PABIR2: variants seen among roughly 807,000 people sequenced by gnomAD.
The protein encoded by PABIR2 is family with sequence similarity 122B.
Under a neutral mutation model 22.8 loss-of-function variants are expected in PABIR2, and 7 were observed. The observed-to-expected ratio is 0.31, with a 90% CI of 0.17 to 0.58. The LOEUF (loss-of-function observed/expected upper bound fraction) is 0.58, where lower values mean the gene tolerates loss of function less well. Among genes scored for constraint, PABIR2 ranks in the 20% least tolerant of loss-of-function variants. PABIR2 has a pLI of 0.89. For synonymous variants in PABIR2, 67 were observed against 73.8 expected, an observed-to-expected ratio of 0.91 and a Z score of 0.47; for missense variants, 155 against 205.1, an observed-to-expected ratio of 0.76 and a Z score of 1.49.
intron 5 of PABIR2, 79 bp downstream of exon 5, chrX:134,789,006 G>A (rs1216028590): frequency 8.7e-7 from 1 of 1,143,394 alleles, no homozygotes; most frequent in Non-Finnish European, 1.2e-6. Context: ...AAAGAAGTGT[G>A]CGAAAAAATT....
At position 134,770,111 on chromosome X, in the gene PABIR2, T is replaced by C. The variant is rs928333382; in HGVS notation, c.*2028A>G. ...TCAGTTATTTCTTAACAGTGTTAAG[T>C]TCGAGCCTAAAAATGATGGCCAAGT... On this transcript the variant is annotated 3_prime_UTR_variant, in exon 10 of 10. Transcript: ENST00000343004. The C allele has an allele frequency of 8.9e-6, 1 of 112,212 alleles. No homozygotes were observed. Among genetic ancestry groups the C allele is most frequent in the Admixed American group, 9.6e-5 (1 of 10,469 alleles). The allele number at this position is 112,212 out of a possible 1,213,427, so 9.2% of individuals were successfully genotyped here.
In PABIR2 at chrX:134,788,419, T is replaced by C. The variant is rs187460687; in HGVS notation, c.435+311A>G. On this transcript the variant is annotated intron_variant, in intron 6 of 9. Coordinates refer to ENST00000343004, the MANE Select transcript of PABIR2 (RefSeq NM_001387468.1). ...ATATGTGTAATATATACACGTTATA[T>C]ATGTGTAATATATACACGTTATATA... Among the ~76,000 whole-genome samples, 657 of 98,602 alleles carry C rather than the reference T, an allele frequency of 6.7e-3. 11 individuals carry two copies. The highest frequency in any genetic ancestry group is 0.023 in the African/African-American group (612 of 26,242). The allele number at this position is 98,602 out of a possible 115,157, so 85.6% of individuals were successfully genotyped here. A position where few individuals can be genotyped will look rare whatever the true frequency, so the allele number is the denominator to read the frequency against.
At position 134,772,639 on chromosome X, in the gene PABIR2, G is replaced by A. The variant is rs1267630668; in HGVS notation, c.660-356C>T. On this transcript the variant is annotated intron_variant, in intron 9 of 9. Transcript: ENST00000343004. ...TACCTTCCCATCAGGCTTGGAGCAA[G>A]AGGAATGGTTACTTATTGAGGTAAC... 1.4e-4 allele frequency among the ~76,000 whole-genome samples: 16 copies of A among 111,060 alleles called. 1 individual carries two copies. In the Admixed American group the frequency reaches 1.5e-3, roughly 11 times the overall value.
At position 134,771,508 on chromosome X, in the gene PABIR2, C is replaced by CT; in HGVS notation, c.*630dup. 9.8e-7 allele frequency: 1 copy of CT among 1,024,152 alleles called. No individual in the cohort carries two copies. Among genetic ancestry groups the CT allele is most frequent in the Non-Finnish European group, 1.2e-6 (1 of 808,679 alleles). 84.4% of individuals were successfully genotyped at this position (1,024,152 alleles called of 1,213,427 possible). ...TTCTCAGCACTAAAATCAATGCTCA[C>CT]TTCACACACCCCAACAGCAAAGAAG... On this transcript the variant is annotated 3_prime_UTR_variant, in exon 10 of 10. Coordinates refer to ENST00000343004, the MANE Select transcript of PABIR2 (RefSeq NM_001387468.1).
intron 9 of PABIR2, among the ~76,000 whole-genome samples, chrX:134,779,404 C>T (rs1449173112): frequency 1.8e-5 from 2 of 110,927 alleles, no homozygotes; most frequent in African/African-American, 6.6e-5. Flanking sequence ...CCAGCCTGGG[C>T]GACAGAGCGA....
chrX:134,788,916 A>C, intron 5 of PABIR2, 85 bp from the exon 6 acceptor site: 1 of 1,015,605 alleles, frequency 9.8e-7, no homozygotes, highest in Non-Finnish European at 1.4e-6. Flanking sequence ...CAGATTTTCC[A>C]AGGAGAAAGG....
chrX:134,775,252 T>C (rs188929621), intron 9 of PABIR2, among the ~76,000 whole-genome samples: 2 of 111,502 alleles, frequency 1.8e-5, no homozygotes, highest in Admixed American at 9.6e-5. Flanking sequence ...ATGACTTGGC[T>C]GGGCGCGGTG....
At position 134,788,198 on chromosome X, in the gene PABIR2, TTA is replaced by T. The variant is rs747852154; in HGVS notation, c.435+530_435+531del. Among the ~76,000 whole-genome samples the T allele has an allele frequency of 3.4e-3, 247 of 71,725 alleles. 5 individuals carry two copies. Among genetic ancestry groups the T allele is most frequent in the African/African-American group, 0.011 (185 of 16,668 alleles). The allele number at this position is 71,725 out of a possible 115,157, so 62.3% of individuals were successfully genotyped here. ...GTTATATATGTGTAATATATACACG[TTA>T]TATATGTGTAATATATACACGTTAT... On this transcript the variant is annotated intron_variant, in intron 6 of 9. Transcript: ENST00000343004.
At chrX:134,782,304 G>A (rs1483671662) in intron 8 of PABIR2, among the ~76,000 whole-genome samples, 2 of 112,146 alleles carry the variant, frequency 1.8e-5, no homozygotes, top group Non-Finnish European at 3.8e-5. Context: ...TATATATTTT[G>A]ATACCTGAAC....
rs748223906 is a variant in PABIR2, at chrX:134,781,847, G to C, written c.633C>G (p.Ala211=). The stretch of plus-strand genomic sequence containing the variant: ...ATGAACTGAGATCAGACAGTTGCGC[G>C]GCATCTGGAGATAACATATTGGTAG... ...QGTTNMLSPD[A]AQLSDLSSCS... Residue 211 remains alanine (A), a synonymous_variant, in exon 9 of 10, where the codon GCC becomes GCG. Transcript: ENST00000343004. 2.2e-5 allele frequency: 26 copies of C among 1,196,960 alleles called. No homozygotes were observed. Among genetic ancestry groups the C allele is most frequent in the Non-Finnish European group, 2.8e-5 (25 of 886,795 alleles).
intron 8 of PABIR2, among the ~76,000 whole-genome samples, chrX:134,784,728 C>T (rs1469150708): frequency 9.0e-6 from 1 of 111,017 alleles, no homozygotes; most frequent in Non-Finnish European, 1.9e-5. Flanking sequence ...ATTCTCCTGT[C>T]TCGGCCTCCC....
At chrX:134,789,843 T>C (rs981927011) in intron 2 of PABIR2, among the ~76,000 whole-genome samples, 5 of 112,188 alleles carry the variant, frequency 4.5e-5, no homozygotes, top group African/African-American at 1.6e-4. Flanking sequence ...GCGCCATCTG[T>C]TGCTAGACAG....
At chrX:134,790,626 G>A (rs539600770) in intron 2 of PABIR2, among the ~76,000 whole-genome samples, 1 of 111,954 alleles carries the variant, frequency 8.9e-6, no homozygotes, top group Non-Finnish European at 1.9e-5. Flanking sequence ...TGCAACTTCC[G>A]CCTCCCAGGT....
intron 9 of PABIR2, among the ~76,000 whole-genome samples, chrX:134,774,463 C>A (rs1181524017): frequency 9.0e-6 from 1 of 111,242 alleles, no homozygotes; most frequent in East Asian, 2.8e-4. Context: ...ATAAAGAATT[C>A]TTTATTCTAA....
intron 9 of PABIR2, among the ~76,000 whole-genome samples, chrX:134,775,735 G>A (rs762110089): frequency 7.3e-5 from 8 of 109,909 alleles, no homozygotes; most frequent in Middle Eastern, 9.2e-3. Context: ...GATTAATGAC[G>A]GGCAGGTAAA....
At position 134,771,196 on chromosome X, in the gene PABIR2, AC is replaced by A. The variant is rs2078831885; in HGVS notation, c.*942del. The A allele has an allele frequency of 7.4e-6, 6 of 813,917 alleles. No individual in the cohort carries two copies. The highest frequency in any genetic ancestry group is 9.9e-6 in the Non-Finnish European group (6 of 603,067). The allele number at this position is 813,917 out of a possible 1,213,427, so 67.1% of individuals were successfully genotyped here. ...TACATCCCTTATAGCATGACAATGT[AC>A]CCCAAGGCACCTGAGGCCTCATAAT... is the stretch of plus-strand genomic sequence containing the variant. On this transcript the variant is annotated 3_prime_UTR_variant, in exon 10 of 10. Coordinates refer to ENST00000343004, the MANE Select transcript of PABIR2 (RefSeq NM_001387468.1).
chrX:134,792,959 C>T (rs935649854), intron 2 of PABIR2, among the ~76,000 whole-genome samples: 4 of 112,191 alleles, frequency 3.6e-5, no homozygotes, highest in Non-Finnish European at 7.5e-5. Context: ...TAATTAGCCA[C>T]AAACTAATTT....
At chrX:134,787,123 G>A (rs2079349752) in intron 7 of PABIR2, among the ~76,000 whole-genome samples, 1 of 100,927 alleles carries the variant, frequency 9.9e-6, no homozygotes, top group Non-Finnish European at 2.0e-5. Flanking sequence ...TTTTGAGACA[G>A]AGTTTTTGCT....
At chrX:134,787,613 T>C (rs2079373787) in intron 6 of PABIR2, 80 bp from the exon 7 acceptor site, 1 of 445,921 alleles carries the variant, frequency 2.2e-6, no homozygotes. Flanking sequence ...TTTCTTTCTT[T>C]TTTTTTTTTT....
Sources: allele counts gnomAD v4.1 joint callset (sites outside exome capture counted in the v4.1 genomes callset), GRCh38; gene constraint gnomAD v4.1.1; transcripts MANE v1.5; gene names NCBI Gene and HGNC (gene_info 2026-07-23, HGNC 2026-07-21).